ZFP90: variants seen among roughly 807,000 people sequenced by gnomAD.
ZFP90 encodes zinc finger protein 90 homolog.
A neutral mutation model predicts 60.8 loss-of-function variants in ZFP90; 38 were observed. That is an observed-to-expected ratio of 0.62 (90% CI 0.48 to 0.82). ZFP90 has a LOEUF of 0.82. ZFP90 is among the 40% of genes least tolerant of loss of function. The pLI, the probability that ZFP90 is intolerant of heterozygous loss-of-function variation, is 0.00. For synonymous variants in ZFP90, 287 were observed against 264.8 expected (o/e 1.08, Z -0.82); for missense variants, 711 against 759.1 (o/e 0.94, Z 0.74).
intron 2 of ZFP90, among the ~76,000 whole-genome samples, chr16:68,551,580 G>A (rs144557223): frequency 3.3e-5 from 5 of 151,850 alleles, no homozygotes; most frequent in African/African-American, 1.2e-4. Flanking sequence ...CCGCCACCAC[G>A]TCCAGCTAAT....
At chr16:68,545,448 A>G (rs1414450649) in intron 2 of ZFP90, among the ~76,000 whole-genome samples, 1 of 152,226 alleles carries the variant, frequency 6.6e-6, no homozygotes, top group Non-Finnish European at 1.5e-5. Context: ...TACATGAAAC[A>G]ATGTGATTTG....
chr16:68,538,947 C>A (rs186160485), upstream of ZFP90, among the ~76,000 whole-genome samples: 2 of 152,216 alleles, frequency 1.3e-5, no homozygotes, highest in Admixed American at 6.5e-5. Context: ...GTCACTCTTA[C>A]CGCTGAAGTC....
chr16:68,534,298 G>A (rs562092531), upstream of ZFP90, among the ~76,000 whole-genome samples: 44 of 142,042 alleles, frequency 3.1e-4, no homozygotes, highest in East Asian at 2.3e-3. Flanking sequence ...GCGTGATCTC[G>A]GCTCACTGCA....
chr16:68,544,438 A>G (rs2091108839), intron 2 of ZFP90, among the ~76,000 whole-genome samples: 1 of 152,166 alleles, frequency 6.6e-6, no homozygotes. Context: ...AAAACAGAAA[A>G]GAGAAATGAG....
At chr16:68,560,973 C>T (rs1431821615) in intron 4 of ZFP90, among the ~76,000 whole-genome samples, 2 of 151,062 alleles carry the variant, frequency 1.3e-5, no homozygotes, top group African/African-American at 4.9e-5. Context: ...CGTCTCACTG[C>T]AACCTCCACC....
chr16:68,539,560 G>A (rs917028514), intron 1 of ZFP90, 81 bp downstream of exon 1: 4 of 537,826 alleles, frequency 7.4e-6, no homozygotes, highest in Non-Finnish European at 1.3e-5. Context: ...AAGGGGACTG[G>A]GCGTGGCCGG....
At chr16:68,557,949 G>C (rs1323033482) in intron 2 of ZFP90, 49 bp from the exon 3 acceptor site, 1 of 1,610,838 alleles carries the variant, frequency 6.2e-7, no homozygotes, top group Non-Finnish European at 8.5e-7. Flanking sequence ...CATTGCCTTA[G>C]AACATTTGTG....
downstream of ZFP90, among the ~76,000 whole-genome samples, chr16:68,567,375 C>T (rs188670633): frequency 1.1e-4 from 16 of 152,288 alleles, no homozygotes; most frequent in Non-Finnish European, 1.8e-4. Flanking sequence ...TCCCCCTTTT[C>T]CTCTTGCAAC....
rs2091517727 is a variant in ZFP90, at chr16:68,565,817, G to T, written c.*1119G>T. Reference sequence around the variant, plus strand: ...TGGCTCATTTTATGTGCAAAGAAAAGATTTCACCATTAAAAAAATTAACTT... The same window carrying T: ...TGGCTCATTTTATGTGCAAAGAAAATATTTCACCATTAAAAAAATTAACTT... On this transcript the variant is annotated 3_prime_UTR_variant, in exon 5 of 5. Coordinates refer to ENST00000563169, the MANE Select transcript of ZFP90 (RefSeq NM_001305203.2). 1 of 985,204 alleles carries T rather than the reference G, an allele frequency of 1.0e-6. No individual in the cohort carries two copies. The highest frequency in any genetic ancestry group is 1.7e-5 in the African/African-American group (1 of 57,194). The allele number at this position is 985,204 out of a possible 1,614,324, so 61.0% of individuals were successfully genotyped here.
At chr16:68,533,622 G>C (rs1485056277) in intron 1 of ZFP90, 1 of 152,058 alleles carries the variant, frequency 6.6e-6, no homozygotes, top group Non-Finnish European at 1.5e-5. Context: ...AATCCTCATT[G>C]ATGAAGATAT....
At position 68,566,593 on chromosome 16, in the gene ZFP90, A is replaced by G; in HGVS notation, c.*1895A>G. 1 of 985,574 alleles carries G rather than the reference A, an allele frequency of 1.0e-6. No homozygotes were observed. The highest frequency in any genetic ancestry group is 1.2e-6 in the Non-Finnish European group (1 of 829,940). The allele number at this position is 985,574 out of a possible 1,614,324, so 61.1% of individuals were successfully genotyped here. A position where few individuals can be genotyped will look rare whatever the true frequency, so the allele number is the denominator to read the frequency against. On this transcript the variant is annotated 3_prime_UTR_variant, in exon 5 of 5. Transcript: ENST00000563169. The stretch of plus-strand genomic sequence containing the variant: ...GATGCAAAATGGAATATTCAATGGC[A>G]GATCTGCCCTTCTGAGATGCTGACC...
At chr16:68,556,357 T>C (rs970170386) in intron 2 of ZFP90, among the ~76,000 whole-genome samples, 4 of 152,082 alleles carry the variant, frequency 2.6e-5, no homozygotes, top group African/African-American at 9.7e-5. Flanking sequence ...GAAAAAGTGA[T>C]TAGAGTAGGG....
chr16:68,543,594 C>A (rs1225234725), intron 2 of ZFP90, among the ~76,000 whole-genome samples: 1 of 148,920 alleles, frequency 6.7e-6, no homozygotes, highest in African/African-American at 2.5e-5. Context: ...CAGAGTCTTG[C>A]TCTGTCGCCA....
At chr16:68,536,056 GGGCT>G (rs2090958355), upstream of ZFP90, among the ~76,000 whole-genome samples, 1 of 152,092 alleles carries the variant, frequency 6.6e-6, no homozygotes, top group African/African-American at 2.4e-5. Flanking sequence ...TTTCCCCTGG[GGGCT>G]AAAAGCCCAA....
rs951317556 is a variant in ZFP90 at position 68,539,387 on chromosome 16, C to T, written c.-128C>T. The T allele has an allele frequency of 4.0e-6, 1 of 250,514 alleles. No individual in the cohort carries two copies. The highest frequency in any genetic ancestry group is 7.6e-6 in the Non-Finnish European group (1 of 131,424). The allele number at this position is 250,514 out of a possible 1,614,324, so 15.5% of individuals were successfully genotyped here. A position where few individuals can be genotyped will look rare whatever the true frequency, so the allele number is the denominator to read the frequency against. On this transcript the variant is annotated 5_prime_UTR_variant, in exon 1 of 5. Coordinates refer to ENST00000563169, the MANE Select transcript of ZFP90 (RefSeq NM_001305203.2). Reference sequence around the variant, plus strand: ...CTCCGCAGATCAGAATTGGAGATAACCGAGGCTTCGGCGGGGGCGGGAGGA... The same window carrying T: ...CTCCGCAGATCAGAATTGGAGATAATCGAGGCTTCGGCGGGGGCGGGAGGA...
intron 2 of ZFP90, among the ~76,000 whole-genome samples, chr16:68,550,449 C>T (rs1013478989): frequency 6.6e-6 from 1 of 152,112 alleles, no homozygotes; most frequent in South Asian, 2.1e-4. Context: ...CTAGGTTTCT[C>T]CATGTTGGCC....
Position 68,563,585 on chromosome 16 carries a change from GAC to G in ZFP90, c.802_803del (p.Gln268AlafsTer3). 2 of 1,614,206 alleles carry G rather than the reference GAC, an allele frequency of 1.2e-6. No homozygotes were observed. The highest frequency in any genetic ancestry group is 1.6e-4 in the Middle Eastern group (1 of 6,062). ...ACTGTGGGAAAACCTTTCTCTGGAA[GAC>G]ACAGCTTACTGAGCATCAGAGAATT... ...TDCGKTFLWKTQLTEHQRIHT... is the reference protein window; with the variant it reads ...TDCGKTFLWKXQLTEHQRIHT... On this transcript the variant is annotated frameshift_variant, in exon 5 of 5. Coordinates refer to ENST00000563169, the MANE Select transcript of ZFP90 (RefSeq NM_001305203.2). LOFTEE classifies it high-confidence loss of function.
chr16:68,573,946 CCTT>C (rs2091580404), intron 2 of ZFP90: 1 of 152,250 alleles, frequency 6.6e-6, no homozygotes, highest in Non-Finnish European at 1.5e-5. Flanking sequence ...GTTTTCGCTT[CCTT>C]CTGAGTGGCA....
chr16:68,564,940 A>T lies in ZFP90; in HGVS notation c.*242A>T. 8.0e-7 allele frequency: 1 copy of T among 1,248,360 alleles called. No individual in the cohort carries two copies. The highest frequency in any genetic ancestry group is 1.0e-6 in the Non-Finnish European group (1 of 996,726). The allele number at this position is 1,248,360 out of a possible 1,614,324, so 77.3% of individuals were successfully genotyped here. On this transcript the variant is annotated 3_prime_UTR_variant, in exon 5 of 5. Transcript: ENST00000563169. ...AGCTGGTTGGGGATGATATGCCTGT[A>T]TGTTGGACTTTGCTTTTGAATATAT...
Sources: allele counts gnomAD v4.1 joint callset (sites outside exome capture counted in the v4.1 genomes callset), GRCh38; gene constraint gnomAD v4.1.1; transcripts MANE v1.5; gene names NCBI Gene and HGNC (gene_info 2026-07-23, HGNC 2026-07-21).